The following TTLL9 variants were observed in gnomAD, a reference collection of about 807,000 sequenced individuals.
TTLL9 encodes the protein tubulin tyrosine ligase like 9.
A neutral mutation model predicts 65.6 loss-of-function variants in TTLL9; 47 were observed. The observed-to-expected ratio is 0.72, with a 90% CI of 0.57 to 0.91. The LOEUF (loss-of-function observed/expected upper bound fraction) is 0.91, where lower values mean the gene tolerates loss of function less well. TTLL9 is among the 40% of genes least tolerant of loss of function. The probability of loss-of-function intolerance (pLI) is 0.00; values close to 1 mark genes in which losing one functional copy is unlikely to be tolerated. For synonymous variants in TTLL9, 179 were observed against 204.8 expected (o/e 0.87, Z 1.07); for missense variants, 537 against 568.8 (o/e 0.94, Z 0.57).
chr20:31,904,647 C>A (rs1004285163), intron 4 of TTLL9, among the ~76,000 whole-genome samples: 1 of 152,102 alleles, frequency 6.6e-6, no homozygotes, highest in Non-Finnish European at 1.5e-5. Flanking sequence ...CTTGAGCCAC[C>A]GTGCCTGGCC....
At chr20:31,896,063 C>T (rs140595222) in intron 3 of TTLL9, among the ~76,000 whole-genome samples, 1 of 152,008 alleles carries the variant, frequency 6.6e-6, no homozygotes, top group Admixed American at 6.6e-5. Flanking sequence ...TGGTCTGGAA[C>T]TCCTGATCTC....
chr20:31,926,245 ATTCC>A (rs1207025044), intron 10 of TTLL9, among the ~76,000 whole-genome samples, 154 bp downstream of exon 10: 10 of 152,180 alleles, frequency 6.6e-5, no homozygotes, highest in African/African-American at 2.4e-4. Context: ...ATTTACTTAT[ATTCC>A]TAGGGTCGGA....
chr20:31,870,706 TGGGGGC>T lies in TTLL9; in HGVS notation c.-242_-237del. ...CGCGTGGGGCCGCCACCTCCGGAGG[TGGGGGC>T]GGGGGCCTTACCCCACCCTGGCACC... On this transcript the variant is annotated 5_prime_UTR_variant, in exon 1 of 15. Transcript: ENST00000535842. The surrounding 1 kb of genome is among the most constrained non-coding windows in gnomAD (Gnocchi z 6.6). 1 of 792,088 alleles carries T rather than the reference TGGGGGC, an allele frequency of 1.3e-6. No individual in the cohort carries two copies. The highest frequency in any genetic ancestry group is 1.7e-6 in the Non-Finnish European group (1 of 574,896). The allele number at this position is 792,088 out of a possible 1,614,324, so 49.1% of individuals were successfully genotyped here.
chr20:31,908,842 C>G (rs749402246), intron 5 of TTLL9, 140 bp downstream of exon 5: 18 of 700,184 alleles, frequency 2.6e-5, no homozygotes, highest in Non-Finnish European at 4.6e-5. Context: ...CGGGCTAGAC[C>G]TATGGAGAGC....
At position 31,937,501 on chromosome 20, in the gene TTLL9, G is replaced by A. The variant is rs926976028; in HGVS notation, c.1110G>A (p.Met370Ile). Residue 370 changes from methionine to isoleucine, a missense_variant, in exon 13 of 15, where the codon ATG (methionine) becomes ATA (isoleucine). Met to Ile is a conservative substitution (Grantham distance 10, BLOSUM62 1). This residue lies in a region of TTLL9 where 205 missense variants were observed against 225.9 expected (regional missense o/e 0.91). Coordinates refer to ENST00000535842, the MANE Select transcript of TTLL9 (RefSeq NM_001008409.5). Reference sequence around the variant, plus strand: ...AAGACACCCTGCATGTTGTGGACATGGAAGCGAGGTGAGGGAGGGCAGCCT... The same window carrying A: ...AAGACACCCTGCATGTTGTGGACATAGAAGCGAGGTGAGGGAGGGCAGCCT... ...LLEDTLHVVDMEARLTGREKR... is the reference protein window; with the variant it reads ...LLEDTLHVVDIEARLTGREKR... 1 of 1,613,232 alleles carries A rather than the reference G, an allele frequency of 6.2e-7. No individual in the cohort carries two copies. The highest frequency in any genetic ancestry group is 1.7e-5 in the Admixed American group (1 of 59,982).
chr20:31,922,793 C>A (rs950840085), intron 7 of TTLL9, among the ~76,000 whole-genome samples, 170 bp from the exon 8 acceptor site: 115 of 152,336 alleles, frequency 7.5e-4, no homozygotes, highest in African/African-American at 2.5e-3. Context: ...GTTACTCTCC[C>A]TCTCTGTGCT....
At chr20:31,892,623 T>C (rs1490790059) in intron 3 of TTLL9, among the ~76,000 whole-genome samples, 1 of 152,220 alleles carries the variant, frequency 6.6e-6, no homozygotes, top group African/African-American at 2.4e-5. Context: ...TGTGATAGAT[T>C]GTTTTGGTTG....
chr20:31,917,438 T>C (rs574279555), intron 6 of TTLL9, among the ~76,000 whole-genome samples: 12 of 152,336 alleles, frequency 7.9e-5, no homozygotes, highest in South Asian at 6.2e-4. Flanking sequence ...TATTCATCCA[T>C]TGGGGAGTCT....
intron 2 of TTLL9, 99 bp downstream of exon 2, chr20:31,871,294 G>A: frequency 2.3e-6 from 3 of 1,319,450 alleles, no homozygotes; most frequent in Non-Finnish European, 3.3e-6. Context: ...GAAGGGGTCT[G>A]GAGACCAAGG....
chr20:31,926,677 C>T (rs1012098173), intron 10 of TTLL9, among the ~76,000 whole-genome samples: 1 of 152,130 alleles, frequency 6.6e-6, no homozygotes, highest in African/African-American at 2.4e-5. Context: ...CAGTGGAATA[C>T]TATGAAGCTG....
At chr20:31,889,735 ATT>A (rs57593267) in intron 3 of TTLL9, among the ~76,000 whole-genome samples, 227 of 143,610 alleles carry the variant, frequency 1.6e-3, no homozygotes, top group African/African-American at 3.9e-3. Flanking sequence ...AATTTTTTTA[ATT>A]TTTTTTTTTT....
chr20:31,931,800 C>T (rs899661827), intron 10 of TTLL9, among the ~76,000 whole-genome samples: 1 of 152,220 alleles, frequency 6.6e-6, no homozygotes, highest in Non-Finnish European at 1.5e-5. Flanking sequence ...TTATTAGATA[C>T]ATTATTTACA....
At chr20:31,915,598 G>A (rs890220218) in intron 6 of TTLL9, among the ~76,000 whole-genome samples, 2 of 152,196 alleles carry the variant, frequency 1.3e-5, no homozygotes, top group African/African-American at 2.4e-5. Context: ...CTTTTCAAGA[G>A]GTATATGAGC....
chr20:31,908,754 G>A (rs1172728553), intron 5 of TTLL9, 52 bp downstream of exon 5: 2 of 1,383,118 alleles, frequency 1.4e-6, no homozygotes, highest in Admixed American at 1.7e-5. Flanking sequence ...GTCACTGGGT[G>A]TGGCCATGAG....
chr20:31,939,424 C>A, intron 14 of TTLL9, 158 bp downstream of exon 14: 1 of 744,972 alleles, frequency 1.3e-6, no homozygotes, highest in Non-Finnish European at 1.9e-6. Context: ...CTCTGTTCCT[C>A]GTTTTTAAAC....
At chr20:31,906,638 C>T (rs2063563484) in intron 4 of TTLL9, among the ~76,000 whole-genome samples, 1 of 152,014 alleles carries the variant, frequency 6.6e-6, no homozygotes, top group African/African-American at 2.4e-5. Context: ...GAAAGGGAGA[C>T]AAACCAAACA....
chr20:31,870,968 T>C lies in TTLL9; in HGVS notation c.-6+19T>C, dbSNP rs536179667. ...GGGATAAGTGGGTAATTCCTTCCGA[T>C]ACATCCTCTCCACCCGTGCAGAGAC... On this transcript the variant is annotated intron_variant, in intron 1 of 14. Transcript: ENST00000535842. This position sits in a 1 kb window ranked among gnomAD's most constrained non-coding sequence, Gnocchi z 6.6. The C allele has an allele frequency of 2.7e-4, 200 of 730,808 alleles. No homozygotes were observed. Among genetic ancestry groups the C allele is most frequent in the Non-Finnish European group, 4.5e-5 (18 of 404,224 alleles). The allele number at this position is 730,808 out of a possible 1,614,324, so 45.3% of individuals were successfully genotyped here. A position where few individuals can be genotyped will look rare whatever the true frequency, so the allele number is the denominator to read the frequency against.
chr20:31,944,395 T>C lies in TTLL9; in HGVS notation c.*1374T>C, dbSNP rs1047605554. 1 of 155,060 alleles carries C rather than the reference T, an allele frequency of 6.4e-6. No individual in the cohort carries two copies. The highest frequency in any genetic ancestry group is 2.4e-5 in the African/African-American group (1 of 41,478). 9.6% of individuals were successfully genotyped at this position (155,060 alleles called of 1,614,324 possible). A position where few individuals can be genotyped will look rare whatever the true frequency, so the allele number is the denominator to read the frequency against. ...CATTTTAAAATAAGCAATATATTCATACGGTTTAAAATCCAAAGTTTACAA... is the reference window on the plus strand; with the variant it reads ...CATTTTAAAATAAGCAATATATTCACACGGTTTAAAATCCAAAGTTTACAA... On this transcript the variant is annotated 3_prime_UTR_variant, in exon 15 of 15. Transcript: ENST00000535842.
At chr20:31,904,663 T>A (rs2063525917) in intron 4 of TTLL9, among the ~76,000 whole-genome samples, 1 of 152,164 alleles carries the variant, frequency 6.6e-6, no homozygotes, top group Admixed American at 6.5e-5. Context: ...TGGCCTTTTT[T>A]AAGGATTCTT....
Sources: allele counts gnomAD v4.1 joint callset (sites outside exome capture counted in the v4.1 genomes callset), GRCh38; gene constraint gnomAD v4.1.1; regional missense constraint gnomAD v4.1.1; non-coding constraint Gnocchi (gnomAD v3.1); transcripts MANE v1.5; gene names NCBI Gene and HGNC (gene_info 2026-07-23, HGNC 2026-07-21).